Variants in CCDC178 observed in about 807,000 individuals in gnomAD.
CCDC178 encodes the protein coiled-coil domain-containing protein 178.
CCDC178 carries 126 observed loss-of-function variants against 117.4 expected under a neutral mutation model. The observed-to-expected ratio is 1.07, with a 90% confidence interval of 0.93 to 1.24. CCDC178 has a LOEUF of 1.24. Among genes scored for constraint, CCDC178 ranks in the 50% most tolerant of loss-of-function variants. CCDC178 has a pLI of 0.00. For missense variants in CCDC178, 1,030 were observed against 986.9 expected, an observed-to-expected ratio of 1.04 and a Z score of -0.59; for synonymous variants, 283 against 313.4, an observed-to-expected ratio of 0.90 and a Z score of 1.02.
At chr18:33,008,265 G>T (rs1430846853) in intron 21 of CCDC178, among the ~76,000 whole-genome samples, 3 of 152,016 alleles carry the variant, frequency 2.0e-5, no homozygotes, top group African/African-American at 7.2e-5. Context: ...CACACTCATG[G>T]TCCCAACTGA....
At chr18:33,073,561 ATC>A (rs1555637440) in intron 21 of CCDC178, among the ~76,000 whole-genome samples, 33 of 149,968 alleles carry the variant, frequency 2.2e-4, no homozygotes, top group African/African-American at 8.2e-4. Flanking sequence ...CTATATATAT[ATC>A]TTTGCAGACT....
In CCDC178 at chr18:33,346,174, A is replaced by G. The variant is rs778939768; in HGVS notation, c.658+37T>C. On this transcript the variant is annotated intron_variant, in intron 9 of 22. Coordinates refer to ENST00000383096, the MANE Select transcript of CCDC178 (RefSeq NM_001105528.4). ...CTGTAATTAATTATCTGTGCCCCCA[A>G]CAGAATAAGAAGTAATATAAAAATC... The G allele has an allele frequency of 4.8e-6, 7 of 1,465,734 alleles. No individual in the cohort carries two copies. The East Asian group carries it at 1.4e-4, about 29-fold the overall frequency. 90.8% of individuals were successfully genotyped at this position (1,465,734 alleles called of 1,614,324 possible). A position where few individuals can be genotyped will look rare whatever the true frequency, so the allele number is the denominator to read the frequency against.
At chr18:33,271,988 A>T (rs925677963) in intron 12 of CCDC178, among the ~76,000 whole-genome samples, 12 of 151,512 alleles carry the variant, frequency 7.9e-5, no homozygotes, top group African/African-American at 2.9e-4. Context: ...CTAACTTTAC[A>T]TCTAAAAGAA....
Position 33,284,171 on chromosome 18 carries a change from G to A in CCDC178, c.1176+8988C>T, listed in dbSNP as rs142401542. On this transcript the variant is annotated intron_variant, in intron 12 of 22. Coordinates refer to ENST00000383096, the MANE Select transcript of CCDC178 (RefSeq NM_001105528.4). ...ACACAGGAACAGAAAACCAAATGCC[G>A]CATGTTCTCATTTACAAGTGGGAGC... Among the ~76,000 whole-genome samples, 25 of 152,256 alleles carry A rather than the reference G, an allele frequency of 1.6e-4. No individual in the cohort carries two copies. The East Asian group carries it at 2.5e-3, about 15-fold the overall frequency.
In CCDC178 at chr18:33,415,226, A is replaced by C. The variant is rs544007610; in HGVS notation, c.-22-3116T>G. Among the ~76,000 whole-genome samples, 16 of 152,356 alleles carry C rather than the reference A, an allele frequency of 1.1e-4. No homozygotes were observed. The South Asian group carries it at 1.4e-3, about 14-fold the overall frequency. ...GTATATACCCAAAGGATTATAAATC[A>C]TGCTGCTATAAAGACACATGCAAAC... On this transcript the variant is annotated intron_variant, in intron 2 of 22. Coordinates refer to ENST00000383096, the MANE Select transcript of CCDC178 (RefSeq NM_001105528.4).
intron 20 of CCDC178, among the ~76,000 whole-genome samples, chr18:33,145,743 T>G (rs1423924239): frequency 6.6e-6 from 1 of 152,180 alleles, no homozygotes; most frequent in Admixed American, 6.5e-5. Flanking sequence ...TCTCTTCTAC[T>G]GTCAAGGAGA....
chr18:33,194,933 GGAGAGAGAGAGACA>G (rs1410803954), intron 20 of CCDC178, among the ~76,000 whole-genome samples: 3 of 137,508 alleles, frequency 2.2e-5, no homozygotes, highest in Admixed American at 7.1e-5. Context: ...AGAGAGAGAG[GGAGAGAGAGAGACA>G]GAGAGAGAGA....
intron 9 of CCDC178, among the ~76,000 whole-genome samples, chr18:33,344,305 C>T (rs1375253019): frequency 4.2e-5 from 4 of 94,608 alleles, no homozygotes; most frequent in East Asian, 3.5e-4. Flanking sequence ...AGCGAGACTC[C>T]GTCTCAAAAA....
At chr18:33,323,764 G>A (rs1453602205) in intron 10 of CCDC178, 131 bp from the exon 11 acceptor site, 7 of 507,778 alleles carry the variant, frequency 1.4e-5, no homozygotes, top group African/African-American at 4.0e-5. Context: ...TTAGCCTATG[G>A]TTTGGTAAGT....
chr18:33,280,129 G>T (rs1050468890), intron 12 of CCDC178, among the ~76,000 whole-genome samples: 1 of 151,252 alleles, frequency 6.6e-6, no homozygotes, highest in South Asian at 2.1e-4. Flanking sequence ...AAGAGCTTCT[G>T]CACAGCAAAA....
At chr18:33,117,356 T>A (rs765259284) in intron 20 of CCDC178, among the ~76,000 whole-genome samples, 1 of 152,040 alleles carries the variant, frequency 6.6e-6, no homozygotes, top group Non-Finnish European at 1.5e-5. Context: ...AGGTTATGCA[T>A]GGGCTCAGCA....
chr18:33,381,754 GGCAC>G (rs2063441287), intron 5 of CCDC178, among the ~76,000 whole-genome samples: 1 of 151,960 alleles, frequency 6.6e-6, no homozygotes, highest in Non-Finnish European at 1.5e-5. Context: ...GTGTTCATTT[GGCAC>G]GTACTTCCTT....
At chr18:33,302,536 A>G (rs1169504462) in intron 11 of CCDC178, among the ~76,000 whole-genome samples, 2 of 152,196 alleles carry the variant, frequency 1.3e-5, no homozygotes, top group Non-Finnish European at 2.9e-5. Flanking sequence ...AAGGAAAGGA[A>G]ATCAGTATTG....
upstream of CCDC178, chr18:33,440,734 C>A (rs1453848475): frequency 6.5e-6 from 1 of 153,634 alleles, no homozygotes; most frequent in South Asian, 1.8e-4. Flanking sequence ...GGCCCCAAGT[C>A]GGTTATCCCG....
intron 20 of CCDC178, among the ~76,000 whole-genome samples, chr18:33,202,449 A>G (rs1006489067): frequency 1.4e-5 from 2 of 147,974 alleles, no homozygotes; most frequent in Non-Finnish European, 3.0e-5. Context: ...AAAACAGGTC[A>G]TCTTTTAAGA....
At chr18:33,027,502 TGAA>T (rs1431244427) in intron 21 of CCDC178, among the ~76,000 whole-genome samples, 1 of 151,242 alleles carries the variant, frequency 6.6e-6, no homozygotes, top group African/African-American at 2.4e-5. Context: ...AAAACAAATC[TGAA>T]GAATAAGAAA....
chr18:33,416,165 C>T (rs1347425855), intron 2 of CCDC178, among the ~76,000 whole-genome samples: 1 of 152,052 alleles, frequency 6.6e-6, no homozygotes, highest in African/African-American at 2.4e-5. Flanking sequence ...CGATGGCTCA[C>T]GCCTGTAATC....
chr18:33,185,649 C>T (rs2058782574), intron 20 of CCDC178, among the ~76,000 whole-genome samples: 1 of 151,890 alleles, frequency 6.6e-6, no homozygotes, highest in Non-Finnish European at 1.5e-5. Flanking sequence ...ATAGAAAAGA[C>T]ACATCAAAAA....
At chr18:33,417,728 T>G (rs2144920801) in intron 2 of CCDC178, among the ~76,000 whole-genome samples, 1 of 152,272 alleles carries the variant, frequency 6.6e-6, no homozygotes, top group African/African-American at 2.4e-5. Context: ...TCCTGTGTAT[T>G]TCTAAGCAAT....
Sources: gnomAD v4.1 joint callset for allele counts (sites outside exome capture counted in the v4.1 genomes callset) on GRCh38, gnomAD v4.1.1 for gene constraint, MANE v1.5 for transcripts, NCBI Gene and HGNC (gene_info 2026-07-23, HGNC 2026-07-21) for gene names.